The following GRIK4 variants were observed in gnomAD, a reference collection of about 807,000 sequenced individuals.
GRIK4 encodes glutamate ionotropic receptor kainate type subunit 4.
A neutral mutation model predicts 104.9 loss-of-function variants in GRIK4; 40 were observed. The ratio of observed to expected loss-of-function variants is 0.38; its 90% CI spans 0.30 to 0.50. The LOEUF (loss-of-function observed/expected upper bound fraction) is 0.50, where lower values mean the gene tolerates loss of function less well. GRIK4 is among the 20% of genes least tolerant of loss of function. The pLI is 0.93. For synonymous variants in GRIK4, 485 were observed against 524.9 expected (o/e 0.92, Z 1.04); for missense variants, 1,047 against 1,308.1 (o/e 0.80, Z 3.08).
intron 2 of GRIK4, among the ~76,000 whole-genome samples, chr11:120,655,892 T>G (rs1033669726): frequency 1.8e-4 from 27 of 152,204 alleles, no homozygotes; most frequent in African/African-American, 6.3e-4. Context: ...ACAAGGTGTT[T>G]GTGGCATGCT....
intron 1 of GRIK4, among the ~76,000 whole-genome samples, chr11:120,579,181 C>T (rs1253611678): frequency 6.6e-6 from 1 of 152,040 alleles, no homozygotes; most frequent in Non-Finnish European, 1.5e-5. Flanking sequence ...GGACAGCCAG[C>T]CATAAACAAG....
chr11:120,827,605 A>C (rs539201771), intron 6 of GRIK4, among the ~76,000 whole-genome samples: 6 of 152,226 alleles, frequency 3.9e-5, no homozygotes, highest in Admixed American at 6.5e-5. Flanking sequence ...GGAGAATGAC[A>C]ATTCGAAAAT....
intron 1 of GRIK4, among the ~76,000 whole-genome samples, chr11:120,587,060 C>T (rs1178441761): frequency 1.3e-5 from 2 of 152,122 alleles, no homozygotes; most frequent in East Asian, 1.9e-4. Flanking sequence ...ACAATCGAGG[C>T]GATTTGTCTT....
chr11:120,804,271 C>T (rs1324801211), intron 4 of GRIK4, among the ~76,000 whole-genome samples: 1 of 152,238 alleles, frequency 6.6e-6, no homozygotes, highest in Middle Eastern at 3.2e-3. Context: ...AAAAGAACAA[C>T]TTGCTCAAAT....
rs1462121512 is a variant in GRIK4 at position 120,555,103 on chromosome 11, G to A, written c.-159+43216G>A. Among the ~76,000 whole-genome samples, 3 of 152,242 alleles carry A rather than the reference G, an allele frequency of 2.0e-5. No homozygotes were observed. Among genetic ancestry groups the A allele is most frequent in the Non-Finnish European group, 4.4e-5 (3 of 68,040 alleles). On this transcript the variant is annotated intron_variant, in intron 1 of 20. Coordinates refer to ENST00000527524, the MANE Select transcript of GRIK4 (RefSeq NM_014619.5). The surrounding 1 kb of genome is among the most constrained non-coding windows in gnomAD (Gnocchi z 5.3). Reference sequence around the variant, plus strand: ...AGGCGCTCTGCAGCCCGAGACCACAGGCTGCTGCCCAGATGTCCTCCAGGC... The same window carrying A: ...AGGCGCTCTGCAGCCCGAGACCACAAGCTGCTGCCCAGATGTCCTCCAGGC...
chr11:120,724,147 TTTTG>T (rs1243132224), intron 3 of GRIK4, among the ~76,000 whole-genome samples: 3 of 152,186 alleles, frequency 2.0e-5, no homozygotes, highest in Non-Finnish European at 2.9e-5. Flanking sequence ...TTGTTCCTTT[TTTTG>T]TTTGTTTGTT....
At chr11:120,842,681 T>C (rs1953747409) in intron 8 of GRIK4, among the ~76,000 whole-genome samples, 1 of 152,226 alleles carries the variant, frequency 6.6e-6, no homozygotes, top group African/African-American at 2.4e-5. Flanking sequence ...AGGGCATGCA[T>C]AGGGCAGTTA....
At chr11:120,634,165 GC>G (rs1460945169) in intron 1 of GRIK4, among the ~76,000 whole-genome samples, 1 of 152,214 alleles carries the variant, frequency 6.6e-6, no homozygotes, top group African/African-American at 2.4e-5. Context: ...TTGGCGTCCT[GC>G]CTGACAAGTT....
chr11:120,608,276 C>T (rs1948986707), intron 1 of GRIK4, among the ~76,000 whole-genome samples: 1 of 152,178 alleles, frequency 6.6e-6, no homozygotes, highest in African/African-American at 2.4e-5. Context: ...TGCTTGAGTC[C>T]AGGAGTTTGA....
chr11:120,750,058 A>G (rs1951519571), intron 3 of GRIK4, among the ~76,000 whole-genome samples: 1 of 152,166 alleles, frequency 6.6e-6, no homozygotes, highest in African/African-American at 2.4e-5. Context: ...TAGCCTCCTC[A>G]TTTTACAGGT....
chr11:120,558,496 G>C (rs1461630021), intron 1 of GRIK4, among the ~76,000 whole-genome samples: 1 of 152,204 alleles, frequency 6.6e-6, no homozygotes, highest in African/African-American at 2.4e-5. Context: ...GCTGAAGCAG[G>C]AGAATCGCTT....
chr11:120,683,567 G>A (rs1037007746), intron 3 of GRIK4, among the ~76,000 whole-genome samples: 20 of 152,208 alleles, frequency 1.3e-4, no homozygotes, highest in African/African-American at 4.8e-4. Flanking sequence ...GGTATTCAGA[G>A]CCGTGGGACC....
chr11:120,760,374 T>C lies in GRIK4; in HGVS notation c.83-42319T>C, dbSNP rs1951725777. 2.0e-5 allele frequency among the ~76,000 whole-genome samples: 3 copies of C among 148,046 alleles called. No homozygotes were observed. The Admixed American group carries it at 2.0e-4, about 10-fold the overall frequency. On this transcript the variant is annotated intron_variant, in intron 3 of 20. Coordinates refer to ENST00000527524, the MANE Select transcript of GRIK4 (RefSeq NM_014619.5). ...TACACACAATGGAATATTTTATATA[T>C]ATATAAACATATATATACATATATA...
At chr11:120,957,591 A>ATGTGTGTGTGTGTGTGTGTGTGTG (rs72064502) in intron 16 of GRIK4, among the ~76,000 whole-genome samples, 1,893 of 136,442 alleles carry the variant, frequency 0.014, 34 homozygotes, top group Middle Eastern at 0.036. Context: ...GACAAAACAA[A>ATGTGTGTGTGTGTGTGTGTGTGTG]TGTGTGTGTG....
chr11:120,535,173 G>A (rs966421174), intron 1 of GRIK4, among the ~76,000 whole-genome samples: 5 of 152,154 alleles, frequency 3.3e-5, no homozygotes, highest in Non-Finnish European at 7.3e-5. Context: ...ACTCTTGTGA[G>A]CCTGTCTGAG....
chr11:120,743,666 C>A (rs147501892), intron 3 of GRIK4, among the ~76,000 whole-genome samples: 1 of 152,278 alleles, frequency 6.6e-6, no homozygotes, highest in South Asian at 2.1e-4. Context: ...CAGCTCTGCC[C>A]ATTACTGCCT....
chr11:120,687,605 T>C (rs368356940), intron 3 of GRIK4, among the ~76,000 whole-genome samples: 12 of 152,208 alleles, frequency 7.9e-5, no homozygotes, highest in African/African-American at 2.9e-4. Context: ...AACTTTTTTA[T>C]TGAATGCTCG....
At chr11:120,845,879 A>C (rs1953839892) in intron 8 of GRIK4, among the ~76,000 whole-genome samples, 2 of 152,250 alleles carry the variant, frequency 1.3e-5, no homozygotes, top group Admixed American at 6.5e-5. Context: ...AGAGTGATGG[A>C]GTGAAAGCTC....
chr11:120,836,943 G>A lies in GRIK4; in HGVS notation c.744+99G>A, dbSNP rs751851100. 377 of 774,594 alleles carry A rather than the reference G, an allele frequency of 4.9e-4. 2 individuals carry two copies. The Middle Eastern group carries it at 9.3e-3, about 19-fold the overall frequency. 48.0% of individuals were successfully genotyped at this position (774,594 alleles called of 1,614,324 possible). On this transcript the variant is annotated intron_variant, in intron 8 of 20. Transcript: ENST00000527524. ...AAAAGCCCAGGGGATGACGAGTACA[G>A]GAGATAGAAGCAGAGGAGCAGAAGC...
Sources: gnomAD v4.1 joint callset for allele counts (sites outside exome capture counted in the v4.1 genomes callset) on GRCh38, gnomAD v4.1.1 for gene constraint, Gnocchi (gnomAD v3.1) non-coding constraint, MANE v1.5 for transcripts, NCBI Gene and HGNC (gene_info 2026-07-23, HGNC 2026-07-21) for gene names.